Variants in SH2D4B observed in about 807,000 individuals in gnomAD.
SH2D4B encodes the protein SH2 domain-containing protein 4B.
A neutral mutation model predicts 61.5 loss-of-function variants in SH2D4B; 45 were observed. The observed-to-expected ratio is 0.73, with a 90% CI of 0.58 to 0.94. The LOEUF (loss-of-function observed/expected upper bound fraction) is 0.94, where lower values mean the gene tolerates loss of function less well. SH2D4B is among the 40% of genes least tolerant of loss of function. The probability of loss-of-function intolerance (pLI) is 0.00; values close to 1 mark genes in which losing one functional copy is unlikely to be tolerated. For missense variants in SH2D4B, 572 were observed against 574.2 expected (o/e 1.00, Z 0.04); for synonymous variants, 224 against 220.4 (o/e 1.02, Z -0.14).
intron 6 of SH2D4B, among the ~76,000 whole-genome samples, chr10:80,615,405 A>G (rs1478474403): frequency 6.6e-6 from 1 of 152,218 alleles, no homozygotes; most frequent in Non-Finnish European, 1.5e-5. Context: ...CTTTGCATAT[A>G]CTGCCATCCA....
intron 7 of SH2D4B, among the ~76,000 whole-genome samples, chr10:80,635,466 G>C (rs1015209960): frequency 6.6e-6 from 1 of 152,182 alleles, no homozygotes; most frequent in Admixed American, 6.5e-5. Context: ...GGACTCTTAG[G>C]TTTGTATTGC....
At chr10:80,560,552 AT>A (rs1421100056) in intron 1 of SH2D4B, among the ~76,000 whole-genome samples, 2 of 150,146 alleles carry the variant, frequency 1.3e-5, no homozygotes, top group African/African-American at 2.4e-5. Flanking sequence ...CACCTGGCTA[AT>A]TTTTTTTTAC....
Position 80,538,574 on chromosome 10 carries a change from TAGC to T in SH2D4B, c.184+62_184+64del, listed in dbSNP as rs758295517. Reference sequence around the variant, plus strand: ...CCAGTCCCCCAGGAGGTAGAAAAATTAGCAGGGCCAGGCTGTGCCCTTCTTCAA... The same window carrying T: ...CCAGTCCCCCAGGAGGTAGAAAAATTAGGGCCAGGCTGTGCCCTTCTTCAA... On this transcript the variant is annotated intron_variant, in intron 1 of 7. Coordinates refer to ENST00000646907, the MANE Select transcript of SH2D4B (RefSeq NM_001388272.1). The surrounding 1 kb of genome is among the most constrained non-coding windows in gnomAD (Gnocchi z 4.8). 59 of 1,290,102 alleles carry T rather than the reference TAGC, an allele frequency of 4.6e-5. No homozygotes were observed. The highest frequency in any genetic ancestry group is 5.9e-5 in the Non-Finnish European group (59 of 1,002,536). 79.9% of individuals were successfully genotyped at this position (1,290,102 alleles called of 1,614,324 possible). A position where few individuals can be genotyped will look rare whatever the true frequency, so the allele number is the denominator to read the frequency against.
chr10:80,609,786 CT>C (rs1842573984), intron 6 of SH2D4B, among the ~76,000 whole-genome samples: 1 of 152,212 alleles, frequency 6.6e-6, no homozygotes, highest in African/African-American at 2.4e-5. Context: ...CTGCTGTCAC[CT>C]CACAGCCTCT....
intron 1 of SH2D4B, among the ~76,000 whole-genome samples, chr10:80,562,906 T>C (rs926136667): frequency 2.9e-5 from 4 of 137,242 alleles, no homozygotes; most frequent in African/African-American, 5.4e-5. Flanking sequence ...TTTTTTTTTT[T>C]TTTTTTTTTT....
chr10:80,638,765 G>T (rs1165187177), intron 7 of SH2D4B, among the ~76,000 whole-genome samples: 5 of 152,106 alleles, frequency 3.3e-5, no homozygotes, highest in African/African-American at 7.2e-5. Context: ...TTTTTGAAGG[G>T]TTTTTTGTGT....
intron 3 of SH2D4B, among the ~76,000 whole-genome samples, chr10:80,578,295 AGGAAT>A: frequency 6.6e-6 from 1 of 152,262 alleles, no homozygotes; most frequent in East Asian, 1.9e-4. Context: ...TCTTGCTTGT[AGGAAT>A]GTACCAACAA....
chr10:80,619,658 G>A (rs1377528920), intron 6 of SH2D4B, among the ~76,000 whole-genome samples: 2 of 152,210 alleles, frequency 1.3e-5, no homozygotes, highest in Non-Finnish European at 2.9e-5. Context: ...TTGTCCTCCT[G>A]GGATTGTTTC....
At chr10:80,568,607 T>C (rs1296424894) in intron 1 of SH2D4B, among the ~76,000 whole-genome samples, 2 of 152,156 alleles carry the variant, frequency 1.3e-5, no homozygotes, top group African/African-American at 4.8e-5. Flanking sequence ...GTGCCCTTCG[T>C]CACTTTATTC....
At position 80,603,645 on chromosome 10, in the gene SH2D4B, G is replaced by A. The variant is rs1414884846; in HGVS notation, c.710G>A (p.Arg237Gln). The change falls in exon 5 of 8, where the codon CGA (arginine) becomes CAA (glutamine). Residue 237 changes from arginine (R) to glutamine (Q), a missense_variant. By Grantham distance (43) the Arg-to-Gln change is conservative (BLOSUM62 1). Transcript: ENST00000646907. ...GCCCAGCGCGCCCGGGACGAGTACC[G>A]ACACCACTCGCTCCGTGCTATCCAG... ...RRAQRARDEY[R>Q]HHSLRAIQKG... The A allele has an allele frequency of 1.2e-6, 2 of 1,603,074 alleles. No homozygotes were observed. Among genetic ancestry groups the A allele is most frequent in the Non-Finnish European group, 1.7e-6 (2 of 1,175,564 alleles).
intron 3 of SH2D4B, among the ~76,000 whole-genome samples, chr10:80,579,127 G>A (rs1269893887): frequency 6.6e-6 from 1 of 152,098 alleles, no homozygotes; most frequent in Non-Finnish European, 1.5e-5. Context: ...TGAGAGCTTG[G>A]GTGAAAAGCC....
At chr10:80,635,881 G>T (rs1193847627) in intron 7 of SH2D4B, among the ~76,000 whole-genome samples, 4 of 152,148 alleles carry the variant, frequency 2.6e-5, no homozygotes, top group Non-Finnish European at 5.9e-5. Context: ...CATGTGCCAT[G>T]TTAGTTTGCT....
chr10:80,561,904 C>T (rs1242254796), intron 1 of SH2D4B, among the ~76,000 whole-genome samples: 1 of 151,996 alleles, frequency 6.6e-6, no homozygotes, highest in East Asian at 1.9e-4. Context: ...TATACTTCAA[C>T]CAAAATTACA....
chr10:80,571,455 CA>C lies in SH2D4B; in HGVS notation c.374del (p.Lys125ArgfsTer70). ...LWRQKEAEITKKFRDALANEK... is the reference protein window; with the variant it reads ...LWRQKEAEITXKFRDALANEK... ...GGAGACAGAAGGAGGCAGAGATCAC[CA>C]AGAAGTTCCGGGATGCTCTGGCCAA... On this transcript the variant is annotated frameshift_variant, in exon 3 of 8. Transcript: ENST00000646907. LOFTEE classifies it high-confidence loss of function. The C allele has an allele frequency of 6.2e-7, 1 of 1,614,018 alleles. No homozygotes were observed. The highest frequency in any genetic ancestry group is 1.1e-5 in the South Asian group (1 of 91,072).
chr10:80,621,787 C>T (rs866299224), intron 6 of SH2D4B, among the ~76,000 whole-genome samples: 1 of 152,220 alleles, frequency 6.6e-6, no homozygotes, highest in Non-Finnish European at 1.5e-5. Context: ...CCCTTCCCTG[C>T]AGTGATCATC....
chr10:80,598,300 A>G (rs1010478396), intron 4 of SH2D4B, among the ~76,000 whole-genome samples: 1 of 152,210 alleles, frequency 6.6e-6, no homozygotes, highest in Admixed American at 6.5e-5. Flanking sequence ...TAGCTACACA[A>G]TGGGACGGAA....
rs2132171818 is a variant in SH2D4B, at chr10:80,646,292, T to C, written c.*2207T>C. On this transcript the variant is annotated 3_prime_UTR_variant, in exon 8 of 8. Coordinates refer to ENST00000646907, the MANE Select transcript of SH2D4B (RefSeq NM_001388272.1). ...AGCTTTGAAAGCAGACTGAGATGAG[T>C]TGAGACCCTGAATCCCTGGGCTGTT... 1 of 152,706 alleles carries C rather than the reference T, an allele frequency of 6.5e-6. No homozygotes were observed. The highest frequency in any genetic ancestry group is 3.4e-3 in the Middle Eastern group (1 of 294). The allele number at this position is 152,706 out of a possible 1,614,324, so 9.5% of individuals were successfully genotyped here.
intron 4 of SH2D4B, among the ~76,000 whole-genome samples, chr10:80,599,246 A>G (rs929986205): frequency 9.2e-5 from 14 of 152,156 alleles, no homozygotes; most frequent in African/African-American, 2.7e-4. Flanking sequence ...TGGAGTGGGC[A>G]CAGCAGAATT....
chr10:80,607,216 T>C (rs1842530275), intron 5 of SH2D4B: 1 of 152,228 alleles, frequency 6.6e-6, no homozygotes, highest in Admixed American at 6.5e-5. Flanking sequence ...TACATATAAC[T>C]TCCTATTGCC....
Sources: allele counts gnomAD v4.1 joint callset (sites outside exome capture counted in the v4.1 genomes callset), GRCh38; gene constraint gnomAD v4.1.1; non-coding constraint Gnocchi (gnomAD v3.1); transcripts MANE v1.5; gene names NCBI Gene and HGNC (gene_info 2026-07-23, HGNC 2026-07-21).